Variants in PCYT1A observed in about 807,000 individuals in gnomAD.
PCYT1A encodes the protein choline-phosphate cytidylyltransferase A.
Under a neutral mutation model 43.7 loss-of-function variants are expected in PCYT1A, and 25 were observed. That is an observed-to-expected ratio of 0.57 (90% CI 0.42 to 0.80). The LOEUF (loss-of-function observed/expected upper bound fraction) is 0.80. Among genes scored for constraint, PCYT1A ranks in the 30% least tolerant of loss-of-function variants. The probability of loss-of-function intolerance (pLI) is 0.00; values close to 1 mark genes in which losing one functional copy is unlikely to be tolerated. For synonymous variants in PCYT1A, 172 were observed against 170.7 expected (o/e 1.01, Z -0.06); for missense variants, 421 against 474.2 (o/e 0.89, Z 1.04).
intron 2 of PCYT1A, among the ~76,000 whole-genome samples, chr3:196,263,297 C>T (rs1203538137): frequency 6.6e-6 from 1 of 152,182 alleles, no homozygotes; most frequent in East Asian, 1.9e-4. Context: ...CTCACTATAA[C>T]CTTGACTTCC....
At position 196,247,718 on chromosome 3, in the gene PCYT1A, A is replaced by C. The variant is rs762483386; in HGVS notation, c.335-200T>G. The C allele has an allele frequency of 1.4e-6, 1 of 691,586 alleles. No individual in the cohort carries two copies. Among genetic ancestry groups the C allele is most frequent in the African/African-American group, 1.8e-5 (1 of 57,038 alleles). The allele number at this position is 691,586 out of a possible 1,614,324, so 42.8% of individuals were successfully genotyped here. ...TATACCTTCAGGAGCAACACTCACTAAACAGTATGTTCATACTTTGGAGAA... is the reference window on the plus strand; with the variant it reads ...TATACCTTCAGGAGCAACACTCACTCAACAGTATGTTCATACTTTGGAGAA... On this transcript the variant is annotated intron_variant, in intron 4 of 8. Transcript: ENST00000431016. The surrounding 1 kb of genome is among the most constrained non-coding windows in gnomAD (Gnocchi z 4.8).
chr3:196,258,738 C>G (rs1336017758), intron 2 of PCYT1A, among the ~76,000 whole-genome samples: 1 of 152,128 alleles, frequency 6.6e-6, no homozygotes, highest in Non-Finnish European at 1.5e-5. Flanking sequence ...CAGGCATACA[C>G]TACCCGACAC....
At chr3:196,278,897 C>T (rs1725669605) in intron 1 of PCYT1A, among the ~76,000 whole-genome samples, 2 of 148,092 alleles carry the variant, frequency 1.4e-5, no homozygotes, top group African/African-American at 2.5e-5. Flanking sequence ...GGCAGAATCG[C>T]TTGAACCCAG....
chr3:196,263,817 A>G (rs1725188373), intron 2 of PCYT1A, among the ~76,000 whole-genome samples: 1 of 152,086 alleles, frequency 6.6e-6, no homozygotes, highest in Non-Finnish European at 1.5e-5. Flanking sequence ...GACTTTTAGT[A>G]GAGACGGGGT....
In PCYT1A at chr3:196,282,493, G is replaced by A. The variant is rs1725796806; in HGVS notation, c.-11+5122C>T. Among the ~76,000 whole-genome samples, 1 of 152,164 alleles carries A rather than the reference G, an allele frequency of 6.6e-6. No homozygotes were observed. The highest frequency in any genetic ancestry group is 1.5e-5 in the Non-Finnish European group (1 of 68,022). Reference sequence around the variant, plus strand: ...GTATCTTTATTTTCACTTCAGTGATGAACATAAGCTACAGCAGTAATAGCA... The same window carrying A: ...GTATCTTTATTTTCACTTCAGTGATAAACATAAGCTACAGCAGTAATAGCA... On this transcript the variant is annotated intron_variant, in intron 1 of 8. Transcript: ENST00000431016. The surrounding 1 kb of genome is among the most constrained non-coding windows in gnomAD (Gnocchi z 4.3).
At chr3:196,243,985 C>G (rs1392899111) in intron 5 of PCYT1A, among the ~76,000 whole-genome samples, 1 of 152,206 alleles carries the variant, frequency 6.6e-6, no homozygotes, top group Non-Finnish European at 1.5e-5. Flanking sequence ...GCGTCTCTGC[C>G]TGGCCGCCCA....
intron 1 of PCYT1A, among the ~76,000 whole-genome samples, chr3:196,272,288 G>A (rs187882493): frequency 4.6e-5 from 7 of 151,798 alleles, no homozygotes; most frequent in African/African-American, 7.2e-5. Context: ...AGGTTCAAGC[G>A]ATTCTCCTGC....
At chr3:196,276,710 AT>A (rs1725601562) in intron 1 of PCYT1A, among the ~76,000 whole-genome samples, 1 of 152,210 alleles carries the variant, frequency 6.6e-6, no homozygotes, top group Non-Finnish European at 1.5e-5. Flanking sequence ...TGCTTATGAT[AT>A]AAAAATGCTC....
At chr3:196,275,648 C>T (rs1251216504) in intron 1 of PCYT1A, among the ~76,000 whole-genome samples, 1 of 151,116 alleles carries the variant, frequency 6.6e-6, no homozygotes, top group African/African-American at 2.4e-5. Flanking sequence ...CAGAAGAATC[C>T]CTTGAACCCA....
rs750221297 is a variant in PCYT1A at position 196,270,519 on chromosome 3, ACTGTGCAT to A, written c.5_12del (p.Asp2ValfsTer45). The A allele has an allele frequency of 1.9e-6, 3 of 1,613,256 alleles. No individual in the cohort carries two copies. The highest frequency in any genetic ancestry group is 1.7e-6 in the Non-Finnish European group (2 of 1,179,182). On this transcript the variant is annotated frameshift_variant, in exon 2 of 9. Coordinates refer to ENST00000431016, the MANE Select transcript of PCYT1A (RefSeq NM_001312673.2). LOFTEE classifies it high-confidence loss of function. Reference sequence around the variant, plus strand: ...TTCCTTGCATTGACCTTGGCTGAACACTGTGCATCCATCTTCTTTTAACTGGTCATAGA... The same window carrying A: ...TTCCTTGCATTGACCTTGGCTGAACACCATCTTCTTTTAACTGGTCATAGA...
intron 3 of PCYT1A, among the ~76,000 whole-genome samples, chr3:196,250,187 G>A (rs1267475056): frequency 1.6e-4 from 18 of 114,628 alleles, no homozygotes; most frequent in South Asian, 7.0e-4. Flanking sequence ...TGAGGACCAG[G>A]TACACCATGC....
chr3:196,259,870 G>C (rs954474988), intron 2 of PCYT1A, among the ~76,000 whole-genome samples: 20 of 117,892 alleles, frequency 1.7e-4, no homozygotes, highest in African/African-American at 5.7e-4. Context: ...ACTTATATAA[G>C]TTTAGTTTAA....
At chr3:196,263,190 G>T (rs1013022542) in intron 2 of PCYT1A, among the ~76,000 whole-genome samples, 4 of 151,914 alleles carry the variant, frequency 2.6e-5, no homozygotes, top group Non-Finnish European at 5.9e-5. Context: ...AATGATAAAG[G>T]GTCCTCCCGA....
intron 1 of PCYT1A, among the ~76,000 whole-genome samples, chr3:196,279,582 C>T (rs151148172): frequency 9.8e-4 from 150 of 152,292 alleles, no homozygotes; most frequent in African/African-American, 3.3e-3. Flanking sequence ...GTACACACTG[C>T]TTGCCTTGTT....
intron 5 of PCYT1A, among the ~76,000 whole-genome samples, chr3:196,244,526 T>C (rs1724493365): frequency 6.6e-6 from 1 of 151,178 alleles, no homozygotes; most frequent in African/African-American, 2.4e-5. Context: ...GGGGCGCCTC[T>C]GCCCGGCCGC....
chr3:196,257,389 G>A (rs1221449580), intron 3 of PCYT1A, among the ~76,000 whole-genome samples: 1 of 152,200 alleles, frequency 6.6e-6, no homozygotes, highest in Middle Eastern at 3.2e-3. Context: ...TCAATCGGCA[G>A]CATCATAGCC....
At chr3:196,245,367 T>C (rs1724528997) in intron 5 of PCYT1A, among the ~76,000 whole-genome samples, 1 of 152,138 alleles carries the variant, frequency 6.6e-6, no homozygotes, top group Non-Finnish European at 1.5e-5. Flanking sequence ...CACGAACTCC[T>C]GACCTCAAGT....
In PCYT1A at chr3:196,247,539, T is replaced by C. The variant is rs1326497084; in HGVS notation, c.335-21A>G. ...GCAAACTGGTTCACCACATCATAAA[T>C]TGTGTGTTGGAGTCCTCTTTGCTTA... On this transcript the variant is annotated intron_variant, in intron 4 of 8. Transcript: ENST00000431016. The surrounding 1 kb of genome is among the most constrained non-coding windows in gnomAD (Gnocchi z 4.8). 2 of 1,613,352 alleles carry C rather than the reference T, an allele frequency of 1.2e-6. No individual in the cohort carries two copies. Among genetic ancestry groups the C allele is most frequent in the Non-Finnish European group, 1.7e-6 (2 of 1,179,424 alleles).
At position 196,270,472 on chromosome 3, in the gene PCYT1A, T is replaced by C; in HGVS notation, c.60A>G (p.Gly20=). 1 of 1,614,194 alleles carries C rather than the reference T, an allele frequency of 6.2e-7. No individual in the cohort carries two copies. Residue 20 remains glycine (G), a synonymous_variant, in exon 2 of 9, where the codon GGA becomes GGG. Transcript: ENST00000431016. ...CATCTTCTTCTGTTGCCCCGTTGGG[T>C]CCGGGCGCCTCTTTTCTCCTCTTCC... ...NARKRRKEAP[G]PNGATEEDGV...
Sources: allele counts gnomAD v4.1 joint callset (sites outside exome capture counted in the v4.1 genomes callset), GRCh38; gene constraint gnomAD v4.1.1; non-coding constraint Gnocchi (gnomAD v3.1); transcripts MANE v1.5; gene names NCBI Gene and HGNC (gene_info 2026-07-23, HGNC 2026-07-21).